The following CBFA2T2 variants were observed in gnomAD, a reference collection of about 807,000 sequenced individuals.
The protein encoded by CBFA2T2 is protein CBFA2T2.
A neutral mutation model predicts 62.2 loss-of-function variants in CBFA2T2; 11 were observed. The ratio of observed to expected loss-of-function variants is 0.18; its 90% CI spans 0.11 to 0.29. CBFA2T2 has a LOEUF of 0.29. CBFA2T2 is among the 10% of genes least tolerant of loss of function. The pLI is 1.00. For synonymous variants in CBFA2T2, 295 were observed against 287.5 expected (o/e 1.03, Z -0.27); for missense variants, 592 against 774.1 (o/e 0.76, Z 2.79).
chr20:33,646,195 G>C lies in CBFA2T2; in HGVS notation c.*1549G>C, dbSNP rs528412608. 4 of 152,216 alleles carry C rather than the reference G, an allele frequency of 2.6e-5. No homozygotes were observed. Among genetic ancestry groups the C allele is most frequent in the Admixed American group, 1.3e-4 (2 of 15,270 alleles). 9.4% of individuals were successfully genotyped at this position (152,216 alleles called of 1,614,324 possible). A position where few individuals can be genotyped will look rare whatever the true frequency, so the allele number is the denominator to read the frequency against. ...ATTTTTGTATTTTTAGTAGAGACAGGGTTTCACCATGTTGGCCAGGCTGAT... is the reference window on the plus strand; with the variant it reads ...ATTTTTGTATTTTTAGTAGAGACAGCGTTTCACCATGTTGGCCAGGCTGAT... On this transcript the variant is annotated 3_prime_UTR_variant, in exon 11 of 11. Coordinates refer to ENST00000342704, the MANE Select transcript of CBFA2T2 (RefSeq NM_001032999.3).
chr20:33,500,465 T>C (rs2146846518), intron 1 of CBFA2T2, among the ~76,000 whole-genome samples: 1 of 152,116 alleles, frequency 6.6e-6, no homozygotes, highest in East Asian at 1.9e-4. Context: ...TTCAAGCACT[T>C]TGGGGAGGCT....
At chr20:33,534,314 C>T (rs1452194660) in intron 1 of CBFA2T2, among the ~76,000 whole-genome samples, 1 of 149,548 alleles carries the variant, frequency 6.7e-6, no homozygotes, top group Non-Finnish European at 1.5e-5. Flanking sequence ...TATTTTCTTG[C>T]TGTTGAGGTT....
intron 1 of CBFA2T2, among the ~76,000 whole-genome samples, chr20:33,531,891 A>G (rs1423586782): frequency 1.3e-5 from 2 of 152,338 alleles, no homozygotes; most frequent in Admixed American, 6.5e-5. Context: ...AAGGAAAAAG[A>G]AAAGTTCAAA....
chr20:33,536,607 C>T (rs1259792555), intron 1 of CBFA2T2, among the ~76,000 whole-genome samples: 1 of 151,144 alleles, frequency 6.6e-6, no homozygotes, highest in Admixed American at 6.6e-5. Flanking sequence ...AGGGGCTCCT[C>T]ACTTCTCAGA....
chr20:33,578,586 C>G (rs2013944936), intron 1 of CBFA2T2, among the ~76,000 whole-genome samples: 1 of 152,204 alleles, frequency 6.6e-6, no homozygotes, highest in South Asian at 2.1e-4. Flanking sequence ...GTGCATACAG[C>G]TATCATCCAA....
chr20:33,588,584 A>G (rs759444285), intron 1 of CBFA2T2, among the ~76,000 whole-genome samples: 1 of 152,188 alleles, frequency 6.6e-6, no homozygotes, highest in Non-Finnish European at 1.5e-5. Context: ...GAACAACACT[A>G]TAATTAAGAG....
chr20:33,605,539 T>C (rs1431875555), intron 1 of CBFA2T2, among the ~76,000 whole-genome samples: 1 of 152,232 alleles, frequency 6.6e-6, no homozygotes, highest in East Asian at 1.9e-4. Context: ...CTGATTCCTG[T>C]TAGCTCAGAC....
intron 1 of CBFA2T2, among the ~76,000 whole-genome samples, chr20:33,498,972 G>T (rs559697913): frequency 2.0e-5 from 3 of 151,940 alleles, no homozygotes; most frequent in Non-Finnish European, 4.4e-5. Flanking sequence ...GAACCCAGGG[G>T]GCGGAAGGTT....
At chr20:33,588,233 T>A (rs2014463631) in intron 1 of CBFA2T2, among the ~76,000 whole-genome samples, 1 of 152,126 alleles carries the variant, frequency 6.6e-6, no homozygotes, top group African/African-American at 2.4e-5. Flanking sequence ...GTAGCTATTT[T>A]AAAGTATTGT....
intron 1 of CBFA2T2, among the ~76,000 whole-genome samples, chr20:33,591,037 G>T (rs1601020679): frequency 6.6e-6 from 1 of 151,004 alleles, no homozygotes; most frequent in East Asian, 2.0e-4. Flanking sequence ...AATTTGCCGG[G>T]TGTGGTGGCA....
intron 1 of CBFA2T2, among the ~76,000 whole-genome samples, chr20:33,545,758 C>T (rs2012547840): frequency 6.6e-6 from 1 of 152,186 alleles, no homozygotes. Context: ...TTTTTCTTAT[C>T]TTTTTGCAGT....
Position 33,517,923 on chromosome 20 carries a change from C to T in CBFA2T2, c.34+27622C>T, listed in dbSNP as rs1181809813. ...CCTCCTAAAGTGCTAGGATTACAGG[C>T]GTGAGCCACCGTGCCCAGCTTACAT... On this transcript the variant is annotated intron_variant, in intron 1 of 10. Coordinates refer to ENST00000342704, the MANE Select transcript of CBFA2T2 (RefSeq NM_001032999.3). Among the ~76,000 whole-genome samples, 5 of 151,894 alleles carry T rather than the reference C, an allele frequency of 3.3e-5. No individual in the cohort carries two copies. In the East Asian group the frequency reaches 5.8e-4, roughly 18 times the overall value.
At chr20:33,594,286 A>G (rs1376133456) in intron 1 of CBFA2T2, among the ~76,000 whole-genome samples, 1 of 152,010 alleles carries the variant, frequency 6.6e-6, no homozygotes, top group Non-Finnish European at 1.5e-5. Context: ...CAGTGGCGCA[A>G]CCTCGGCTCA....
At chr20:33,540,028 C>T (rs1016815806) in intron 1 of CBFA2T2, among the ~76,000 whole-genome samples, 14 of 151,998 alleles carry the variant, frequency 9.2e-5, no homozygotes, top group Admixed American at 3.3e-4. Context: ...ATTTTACATG[C>T]TACAGTGGAA....
intron 1 of CBFA2T2, among the ~76,000 whole-genome samples, chr20:33,491,435 C>G (rs1344066527): frequency 6.6e-6 from 1 of 151,952 alleles, no homozygotes; most frequent in Admixed American, 6.6e-5. Context: ...TGAGGATGCC[C>G]ATTTTGCAGA....
intron 1 of CBFA2T2, among the ~76,000 whole-genome samples, chr20:33,600,804 A>G (rs1374819121): frequency 1.3e-5 from 2 of 152,042 alleles, no homozygotes; most frequent in Admixed American, 6.6e-5. Flanking sequence ...TCATCTCTGA[A>G]CTTCCCTAAG....
At chr20:33,578,389 A>G (rs996428285) in intron 1 of CBFA2T2, among the ~76,000 whole-genome samples, 2 of 152,220 alleles carry the variant, frequency 1.3e-5, no homozygotes, top group African/African-American at 4.8e-5. Context: ...GGAAATGAGA[A>G]GATGATTTCA....
chr20:33,582,886 G>A (rs1259324431), intron 1 of CBFA2T2, among the ~76,000 whole-genome samples: 1 of 151,710 alleles, frequency 6.6e-6, no homozygotes, highest in Non-Finnish European at 1.5e-5. Context: ...ATGTTGCAGT[G>A]AACGAAGATC....
chr20:33,589,988 C>T (rs2014543004), intron 1 of CBFA2T2, among the ~76,000 whole-genome samples: 1 of 151,972 alleles, frequency 6.6e-6, no homozygotes, highest in Non-Finnish European at 1.5e-5. Flanking sequence ...CATGGTGGCT[C>T]ACGCCTGTAA....
Sources: gnomAD v4.1 joint callset for allele counts (sites outside exome capture counted in the v4.1 genomes callset) on GRCh38, gnomAD v4.1.1 for gene constraint, MANE v1.5 for transcripts, NCBI Gene and HGNC (gene_info 2026-07-23, HGNC 2026-07-21) for gene names.